GNB1: variants seen among roughly 807,000 people sequenced by gnomAD.
GNB1 encodes guanine nucleotide-binding protein G(I)/G(S)/G(T) subunit beta-1.
A neutral mutation model predicts 42.9 loss-of-function variants in GNB1; 2 were observed. The ratio of observed to expected loss-of-function variants is 0.05; its 90% CI spans 0.02 to 0.15. GNB1 has a LOEUF of 0.15. Among genes scored for constraint, GNB1 ranks in the 10% least tolerant of loss-of-function variants. The pLI is 1.00. For synonymous variants in GNB1, 183 were observed against 174.7 expected (o/e 1.05, Z -0.38); for missense variants, 193 against 462.2 (o/e 0.42, Z 5.34).
chr1:1,878,833 T>C (rs1649687754), intron 1 of GNB1, among the ~76,000 whole-genome samples: 1 of 152,182 alleles, frequency 6.6e-6, no homozygotes, highest in Non-Finnish European at 1.5e-5. Flanking sequence ...TCTCTCCGAC[T>C]ACTTTCCTAC....
chr1:1,821,924 C>A lies in GNB1; in HGVS notation c.57+3473G>T, dbSNP rs181103328. On this transcript the variant is annotated intron_variant, in intron 3 of 11. Transcript: ENST00000378609. The stretch of plus-strand genomic sequence containing the variant: ...CTGAGGCGGGAAGATCCCTTGAGCC[C>A]TAGGAGTTCAAGACCAGCTGGGGCA... Among the ~76,000 whole-genome samples, 733 of 152,146 alleles carry A rather than the reference C, an allele frequency of 4.8e-3. 4 individuals are homozygous for A. Among genetic ancestry groups the A allele is most frequent in the Middle Eastern group, 0.024 (7 of 294 alleles).
chr1:1,842,241 T>G (rs550738326), intron 1 of GNB1, among the ~76,000 whole-genome samples: 7 of 152,236 alleles, frequency 4.6e-5, no homozygotes, highest in South Asian at 4.1e-4. Flanking sequence ...CCATCCTGGC[T>G]AACACGGTGA....
intron 1 of GNB1, chr1:1,839,643 T>TG (rs1647197189): frequency 6.6e-6 from 1 of 151,798 alleles, no homozygotes; most frequent in Non-Finnish European, 1.5e-5. Context: ...GGTCAGGAAT[T>TG]GGAGACCAGC....
intron 7 of GNB1, among the ~76,000 whole-genome samples, chr1:1,800,849 T>C (rs1295174029): frequency 6.8e-6 from 1 of 147,820 alleles, no homozygotes; most frequent in Non-Finnish European, 1.5e-5. Context: ...AAAGGCAAAA[T>C]ATAAATCTTA....
At chr1:1,870,515 T>A (rs537807578) in intron 1 of GNB1, among the ~76,000 whole-genome samples, 1 of 152,180 alleles carries the variant, frequency 6.6e-6, no homozygotes, top group Non-Finnish European at 1.5e-5. Flanking sequence ...TCCCTCCCTA[T>A]CAAACTCAGC....
At chr1:1,794,277 A>G in intron 7 of GNB1, 1 of 152,302 alleles carries the variant, frequency 6.6e-6, no homozygotes, top group South Asian at 2.1e-4. Flanking sequence ...GGCACCTGTA[A>G]TCCCAGCTAC....
In GNB1 at chr1:1,797,293, GCTC is replaced by G. The variant is rs556939010; in HGVS notation, c.431-3985_431-3983del. Among the ~76,000 whole-genome samples the G allele has an allele frequency of 3.3e-3, 496 of 152,286 alleles. 2 individuals are homozygous for G. Among genetic ancestry groups the G allele is most frequent in the Middle Eastern group, 6.8e-3 (2 of 294 alleles). On this transcript the variant is annotated intron_variant, in intron 7 of 11. Transcript: ENST00000378609. ...GCACCACACCATGAAACTCTCTACA[GCTC>G]CTGAGTTACAGAACGACAGTATAAT... is the stretch of plus-strand genomic sequence containing the variant.
intron 1 of GNB1, among the ~76,000 whole-genome samples, chr1:1,860,275 TAGAC>T (rs904714496): frequency 4.6e-5 from 7 of 152,124 alleles, no homozygotes; most frequent in South Asian, 2.1e-4. Flanking sequence ...TGGGGACTAT[TAGAC>T]AGGGGCATGA....
At chr1:1,815,009 G>A (rs1056401580) in intron 5 of GNB1, among the ~76,000 whole-genome samples, 1 of 151,614 alleles carries the variant, frequency 6.6e-6, no homozygotes, top group East Asian at 1.9e-4. Flanking sequence ...CTACTAGGGA[G>A]GGTGAGGCAG....
chr1:1,828,001 GAAACGC>G (rs1647022599), intron 2 of GNB1, among the ~76,000 whole-genome samples: 1 of 152,118 alleles, frequency 6.6e-6, no homozygotes, highest in East Asian at 1.9e-4. Context: ...TCGGGAAAGA[GAAACGC>G]ATGTTCTGAG....
chr1:1,826,903 C>G (rs1647006751), intron 2 of GNB1, among the ~76,000 whole-genome samples: 1 of 152,148 alleles, frequency 6.6e-6, no homozygotes, highest in African/African-American at 2.4e-5. Context: ...AAGATCTTGG[C>G]TGTTAAGTAT....
intron 1 of GNB1, among the ~76,000 whole-genome samples, chr1:1,840,429 G>A (rs954004956): frequency 2.0e-5 from 3 of 152,214 alleles, no homozygotes; most frequent in Non-Finnish European, 4.4e-5. Flanking sequence ...TCAGGAAGCT[G>A]AGGCAGGAGA....
chr1:1,843,087 T>C lies in GNB1; in HGVS notation c.-95-3849A>G, dbSNP rs142824455. Among the ~76,000 whole-genome samples, 866 of 152,306 alleles carry C rather than the reference T, an allele frequency of 5.7e-3. 10 individuals carry two copies. The highest frequency in any genetic ancestry group is 0.02 in the African/African-American group (825 of 41,568). ...TCCCGAGAGGCAATACTGACCCCAGTTGAGAACTCTTCAACTGTCACAATT... is the reference window on the plus strand; with the variant it reads ...TCCCGAGAGGCAATACTGACCCCAGCTGAGAACTCTTCAACTGTCACAATT... On this transcript the variant is annotated intron_variant, in intron 1 of 11. Transcript: ENST00000378609.
chr1:1,876,442 G>A (rs1481921248), intron 1 of GNB1, among the ~76,000 whole-genome samples: 1 of 151,438 alleles, frequency 6.6e-6, no homozygotes, highest in East Asian at 1.9e-4. Context: ...TACACCATCA[G>A]GCCCAGCTAA....
chr1:1,826,740 C>T (rs1482536611), intron 2 of GNB1, among the ~76,000 whole-genome samples: 1 of 152,196 alleles, frequency 6.6e-6, no homozygotes, highest in Non-Finnish European at 1.5e-5. Context: ...TACAAGCCGC[C>T]CTGCCTTCTC....
At chr1:1,818,970 T>A (rs1646894087) in intron 3 of GNB1, among the ~76,000 whole-genome samples, 2 of 152,198 alleles carry the variant, frequency 1.3e-5, no homozygotes, top group South Asian at 2.1e-4. Context: ...CAGATGTACA[T>A]GAGCCTCTTG....
At chr1:1,805,066 G>A (rs551775450) in intron 6 of GNB1, among the ~76,000 whole-genome samples, 1 of 152,340 alleles carries the variant, frequency 6.6e-6, no homozygotes, top group African/African-American at 2.4e-5. Flanking sequence ...AGTGACTGGG[G>A]CAGGAGAATC....
chr1:1,860,264 A>G (rs1648546443), intron 1 of GNB1, among the ~76,000 whole-genome samples: 2 of 152,072 alleles, frequency 1.3e-5, no homozygotes, highest in African/African-American at 4.8e-5. Context: ...AAAATAGACA[A>G]TGGGGACTAT....
rs1646422616 is a variant in GNB1 at position 1,787,553 on chromosome 1, C to T, written c.917-116G>A. ...TCTCATGGGACAAGACCCAGAGTCT[C>T]CCACGGCCAGGAAGGGAGGGAAAGT... is the stretch of plus-strand genomic sequence containing the variant. On this transcript the variant is annotated intron_variant, in intron 10 of 11. Coordinates refer to ENST00000378609, the MANE Select transcript of GNB1 (RefSeq NM_002074.5). This position sits in a 1 kb window ranked among gnomAD's most constrained non-coding sequence, Gnocchi z 4.4. 1 of 614,610 alleles carries T rather than the reference C, an allele frequency of 1.6e-6. No homozygotes were observed. The highest frequency in any genetic ancestry group is 1.8e-5 in the African/African-American group (1 of 54,104). The allele number at this position is 614,610 out of a possible 1,614,324, so 38.1% of individuals were successfully genotyped here. A position where few individuals can be genotyped will look rare whatever the true frequency, so the allele number is the denominator to read the frequency against.
Sources: allele counts gnomAD v4.1 joint callset (sites outside exome capture counted in the v4.1 genomes callset), GRCh38; gene constraint gnomAD v4.1.1; non-coding constraint Gnocchi (gnomAD v3.1); transcripts MANE v1.5; gene names NCBI Gene and HGNC (gene_info 2026-07-23, HGNC 2026-07-21).